The following LRFN3 variants were observed in gnomAD, a reference collection of about 807,000 sequenced individuals.
LRFN3 encodes leucine-rich repeat and fibronectin type-III domain-containing protein 3.
In LRFN3, 8 loss-of-function variants were observed where a neutral mutation model predicts 23.8. The observed-to-expected ratio is 0.34, with a 90% CI of 0.20 to 0.61. The LOEUF (loss-of-function observed/expected upper bound fraction) is 0.61, where lower values mean the gene tolerates loss of function less well. LRFN3 is among the 20% of genes least tolerant of loss of function. The probability of loss-of-function intolerance (pLI) is 0.80; values close to 1 mark genes in which losing one functional copy is unlikely to be tolerated. For synonymous variants in LRFN3, 451 were observed against 450.6 expected, an observed-to-expected ratio of 1.00 and a Z score of -0.01; for missense variants, 736 against 935.3, an observed-to-expected ratio of 0.79 and a Z score of 2.78.
chr19:35,945,198 C>T lies in LRFN3; in HGVS notation c.*179C>T, dbSNP rs1976165931. 5 of 471,004 alleles carry T rather than the reference C, an allele frequency of 1.1e-5. No homozygotes were observed. Among genetic ancestry groups the T allele is most frequent in the Admixed American group, 4.4e-5 (1 of 22,782 alleles). The allele number at this position is 471,004 out of a possible 1,614,324, so 29.2% of individuals were successfully genotyped here. A position where few individuals can be genotyped will look rare whatever the true frequency, so the allele number is the denominator to read the frequency against. On this transcript the variant is annotated 3_prime_UTR_variant, in exon 3 of 3. Transcript: ENST00000246529. ...CTATTTTTCCAAGCTTGGGCGAAGA[C>T]CCTTGCCCTCGTCTCTGTCTATGGG...
chr19:35,940,268 C>T lies in LRFN3; in HGVS notation c.843C>T (p.Arg281=). ...ACASPPALGG[R]YFWAVGEEEF... ...CGTCCCCACCTGCTCTGGGCGGCCG[C>T]TACTTCTGGGCGGTGGGCGAGGAGG... The change falls in exon 2 of 3, where the codon CGC becomes CGT. Residue 281 remains arginine (R), a synonymous_variant. Coordinates refer to ENST00000246529, the MANE Select transcript of LRFN3 (RefSeq NM_024509.2). The T allele has an allele frequency of 6.2e-7, 1 of 1,604,318 alleles. No homozygotes were observed.
chr19:35,940,159 C>G lies in LRFN3; in HGVS notation c.734C>G (p.Ala245Gly). 1 of 1,610,912 alleles carries G rather than the reference C, an allele frequency of 6.2e-7. No homozygotes were observed. Among genetic ancestry groups the G allele is most frequent in the Non-Finnish European group, 8.5e-7 (1 of 1,179,600 alleles). ...RGSPASALVL[A>G]FGGNPLHCNC... ...TCGCCCGCCTCTGCCCTGGTGCTGG[C>G]CTTTGGCGGGAACCCCCTGCACTGC... is the stretch of plus-strand genomic sequence containing the variant. Residue 245 changes from alanine (A) to glycine (G), a missense_variant, in exon 2 of 3, where the codon GCC becomes GGC. Physicochemically the swap from Ala to Gly is moderately conservative, Grantham distance 60 (BLOSUM62 0). Around this residue, in one of 2 missense-constraint regions of LRFN3, gnomAD observed 446 missense variants for 647.9 expected, o/e 0.69. Transcript: ENST00000246529.
In LRFN3 at chr19:35,940,109, G is replaced by A; in HGVS notation, c.684G>A (p.Leu228=). 1 of 1,611,590 alleles carries A rather than the reference G, an allele frequency of 6.2e-7. No individual in the cohort carries two copies. The highest frequency in any genetic ancestry group is 1.1e-5 in the South Asian group (1 of 91,018). Residue 228 remains leucine, a synonymous_variant, in exon 2 of 3, where the codon CTG becomes CTA. Coordinates refer to ENST00000246529, the MANE Select transcript of LRFN3 (RefSeq NM_024509.2). ...CACCCGACCCACTCTTCTCCCGCCTGCCCCTGCTCGCCAGGCCCCGGGGCT... is the reference window on the plus strand; with the variant it reads ...CACCCGACCCACTCTTCTCCCGCCTACCCCTGCTCGCCAGGCCCCGGGGCT... ...TIPPDPLFSR[L]PLLARPRGSP...
rs1465736914 is a variant in LRFN3, at chr19:35,936,490, G to A, written c.-1082G>A. ...CCCGCCTCGGCCCCGGCGGGGGAGG[G>A]GTCTCTGAGCGCGGCCCCTCCCCCC... On this transcript the variant is annotated 5_prime_UTR_variant, in exon 1 of 3. Coordinates refer to ENST00000246529, the MANE Select transcript of LRFN3 (RefSeq NM_024509.2). 4.0e-5 allele frequency: 6 copies of A among 149,042 alleles called. No individual in the cohort carries two copies. Among genetic ancestry groups the A allele is most frequent in the Non-Finnish European group, 6.0e-5 (4 of 67,052 alleles). The allele number at this position is 149,042 out of a possible 1,614,324, so 9.2% of individuals were successfully genotyped here.
chr19:35,941,774 A>G (rs1476245597), intron 2 of LRFN3, among the ~76,000 whole-genome samples: 8 of 152,266 alleles, frequency 5.3e-5, no homozygotes, highest in South Asian at 2.1e-4. Flanking sequence ...GGGTTTTGCC[A>G]TGTTGGCCAG....
At chr19:35,943,319 G>A (rs1376281948) in intron 2 of LRFN3, among the ~76,000 whole-genome samples, 3 of 152,116 alleles carry the variant, frequency 2.0e-5, no homozygotes, top group African/African-American at 7.2e-5. Context: ...TGACAGAGCC[G>A]GAAAGAAATA....
rs747917115 is a variant in LRFN3 at position 35,944,842 on chromosome 19, C to G, written c.1710C>G (p.Pro570=). 3 of 1,605,224 alleles carry G rather than the reference C, an allele frequency of 1.9e-6. No homozygotes were observed. The highest frequency in any genetic ancestry group is 2.2e-5 in the East Asian group (1 of 44,816). Residue 570 remains proline, a synonymous_variant, in exon 3 of 3, where the codon CCC becomes CCG. Transcript: ENST00000246529. This position sits in a 1 kb window ranked among gnomAD's most constrained non-coding sequence, Gnocchi z 4.5. ...ACAAGGTGCACGGCGGCCAGCCCCC[C>G]GGCAAGGCCAAGATTCCCGCGCCTG... The part of the protein sequence containing the change: ...MRYKVHGGQP[P]GKAKIPAPVS...
Position 35,946,493 on chromosome 19 carries a change from G to A in LRFN3, c.*1474G>A, listed in dbSNP as rs911288032. ...CTAGGGACTTTCCATATTTAAGGGT[G>A]ACGCAAAGAAAAACCTAACCAAGAC... On this transcript the variant is annotated 3_prime_UTR_variant, in exon 3 of 3. Transcript: ENST00000246529. Among the ~76,000 whole-genome samples the A allele has an allele frequency of 6.6e-6, 1 of 151,946 alleles. No individual in the cohort carries two copies. The highest frequency in any genetic ancestry group is 2.4e-5 in the African/African-American group (1 of 41,334).
rs748422900 is a variant in LRFN3 at position 35,940,267 on chromosome 19, G to A, written c.842G>A (p.Arg281His). ...GCGTCCCCACCTGCTCTGGGCGGCCGCTACTTCTGGGCGGTGGGCGAGGAG... is the reference window on the plus strand; with the variant it reads ...GCGTCCCCACCTGCTCTGGGCGGCCACTACTTCTGGGCGGTGGGCGAGGAG... ...ACASPPALGGRYFWAVGEEEF... is the reference protein window; with the variant it reads ...ACASPPALGGHYFWAVGEEEF... The change falls in exon 2 of 3, where the codon CGC becomes CAC. Residue 281 changes from arginine to histidine, a missense_variant. Around this residue, in one of 2 missense-constraint regions of LRFN3, gnomAD observed 446 missense variants for 647.9 expected, o/e 0.69. Coordinates refer to ENST00000246529, the MANE Select transcript of LRFN3 (RefSeq NM_024509.2). The A allele has an allele frequency of 1.7e-5, 28 of 1,603,846 alleles. No individual in the cohort carries two copies. Among genetic ancestry groups the A allele is most frequent in the East Asian group, 2.2e-5 (1 of 44,800 alleles).
Position 35,940,047 on chromosome 19 carries a change from C to T in LRFN3, c.622C>T (p.Arg208Trp), listed in dbSNP as rs776754660. Reference protein sequence around the residue: ...GAFSRLHKLARLDMTSNRLTT... With the variant: ...GAFSRLHKLAWLDMTSNRLTT... ...TTTTTCCCGCCTGCACAAGCTGGCC[C>T]GGCTGGACATGACCTCCAACCGCCT... Residue 208 changes from arginine (R) to tryptophan (W), a missense_variant, in exon 2 of 3, where the codon CGG becomes TGG. Physicochemically the swap from Arg to Trp is moderately radical, Grantham distance 101. This residue lies in a region of LRFN3 where 446 missense variants were observed against 647.9 expected (regional missense o/e 0.69). Coordinates refer to ENST00000246529, the MANE Select transcript of LRFN3 (RefSeq NM_024509.2). 2.5e-6 allele frequency: 4 copies of T among 1,612,488 alleles called. No homozygotes were observed. Among genetic ancestry groups the T allele is most frequent in the Non-Finnish European group, 2.5e-6 (3 of 1,179,774 alleles).
rs1976087171 is a variant in LRFN3 at position 35,939,115 on chromosome 19, A to G, written c.-16-295A>G. ...GCTAGGACCACAGGTGGGCGCCACCATGCCTAGCTAATTTTTAAAAATTTT... is the reference window on the plus strand; with the variant it reads ...GCTAGGACCACAGGTGGGCGCCACCGTGCCTAGCTAATTTTTAAAAATTTT... On this transcript the variant is annotated intron_variant, in intron 1 of 2. Transcript: ENST00000246529. The surrounding 1 kb of genome is among the most constrained non-coding windows in gnomAD (Gnocchi z 6.4). Among the ~76,000 whole-genome samples, 1 of 152,112 alleles carries G rather than the reference A, an allele frequency of 6.6e-6. No individual in the cohort carries two copies. Among genetic ancestry groups the G allele is most frequent in the Non-Finnish European group, 1.5e-5 (1 of 68,014 alleles).
At position 35,944,633 on chromosome 19, in the gene LRFN3, G is replaced by T; in HGVS notation, c.1501G>T (p.Glu501Ter). ...CGATCTGTGCGTGCTCGCCGTGTATGAGGACAGCGCCACGGGGCTCACGGC... is the reference window on the plus strand; with the variant it reads ...CGATCTGTGCGTGCTCGCCGTGTATTAGGACAGCGCCACGGGGCTCACGGC... ...TYDLCVLAVY[E>*]DSATGLTATR... The change falls in exon 3 of 3, where the codon GAG becomes TAG. Residue 501 changes from glutamate to a stop codon, truncating the protein, a stop_gained. Transcript: ENST00000246529. LOFTEE classifies it high-confidence loss of function. The surrounding 1 kb of genome is among the most constrained non-coding windows in gnomAD (Gnocchi z 4.5). 1.3e-6 allele frequency: 2 copies of T among 1,578,802 alleles called. No homozygotes were observed.
Position 35,944,697 on chromosome 19 carries a change from C to A in LRFN3, c.1565C>A (p.Pro522His), listed in dbSNP as rs151000979. 60 of 1,604,252 alleles carry A rather than the reference C, an allele frequency of 3.7e-5. No homozygotes were observed. In the African/African-American group the frequency reaches 7.9e-4, roughly 21 times the overall value. Residue 522 changes from proline to histidine, a missense_variant, in exon 3 of 3, where the codon CCT becomes CAT. Pro to His is a moderately conservative substitution (Grantham distance 77, BLOSUM62 -2). Coordinates refer to ENST00000246529, the MANE Select transcript of LRFN3 (RefSeq NM_024509.2). The surrounding 1 kb of genome is among the most constrained non-coding windows in gnomAD (Gnocchi z 4.5). ...GGCTGCGCCCGCTTCTCCACCGAAC[C>A]TGCGCTGCGGCCATGCGGGGCGCCG... ...PVGCARFSTE[P>H]ALRPCGAPHA...
rs753980376 is a variant in LRFN3 at position 35,944,897 on chromosome 19, G to T, written c.1765G>T (p.Ala589Ser). The T allele has an allele frequency of 6.3e-7, 1 of 1,590,232 alleles. No individual in the cohort carries two copies. Among genetic ancestry groups the T allele is most frequent in the Non-Finnish European group, 8.5e-7 (1 of 1,176,104 alleles). Residue 589 changes from alanine (A) to serine (S), a missense_variant, in exon 3 of 3, where the codon GCC becomes TCC. Around this residue, in one of 2 missense-constraint regions of LRFN3, gnomAD observed 290 missense variants for 287.4 expected, o/e 1.01. Transcript: ENST00000246529. The surrounding 1 kb of genome is among the most constrained non-coding windows in gnomAD (Gnocchi z 4.5). The part of the protein sequence containing the change: ...VSSVCSQTNG[A>S]LGPTPTPAPP... ...CAGCGTTTGCTCCCAGACCAACGGC[G>T]CCCTGGGCCCCACGCCCACGCCCGC...
At chr19:35,942,255 G>T (rs1976130582) in intron 2 of LRFN3, among the ~76,000 whole-genome samples, 1 of 152,186 alleles carries the variant, frequency 6.6e-6, no homozygotes, top group South Asian at 2.1e-4. Flanking sequence ...TATCCAGTTT[G>T]CCACACTTGT....
At position 35,939,357 on chromosome 19, in the gene LRFN3, C is replaced by G; in HGVS notation, c.-16-53C>G. On this transcript the variant is annotated intron_variant, in intron 1 of 2. Transcript: ENST00000246529. The surrounding 1 kb of genome is among the most constrained non-coding windows in gnomAD (Gnocchi z 6.4). ...CTTCTCTCCTGGTCTCAGACCACCC[C>G]CAGCCCCTGCAGAACCCCTCTTCTG... The G allele has an allele frequency of 1.3e-6, 2 of 1,515,300 alleles. No individual in the cohort carries two copies. The highest frequency in any genetic ancestry group is 1.8e-6 in the Non-Finnish European group (2 of 1,131,078). 93.9% of individuals were successfully genotyped at this position (1,515,300 alleles called of 1,614,324 possible). A position where few individuals can be genotyped will look rare whatever the true frequency, so the allele number is the denominator to read the frequency against.
chr19:35,946,372 T>TGGGCA lies in LRFN3; in HGVS notation c.*1353_*1354insGGGCA, dbSNP rs989034217. The stretch of plus-strand genomic sequence containing the variant: ...TTTTTTTTTACAGATGGGGTCTCAC[T>TGGGCA]ATATTGCCCAGGCTGATCCCAAACT... On this transcript the variant is annotated 3_prime_UTR_variant, in exon 3 of 3. Coordinates refer to ENST00000246529, the MANE Select transcript of LRFN3 (RefSeq NM_024509.2). Among the ~76,000 whole-genome samples, 1 of 151,432 alleles carries TGGGCA rather than the reference T, an allele frequency of 6.6e-6. No individual in the cohort carries two copies. The highest frequency in any genetic ancestry group is 2.4e-5 in the African/African-American group (1 of 41,058).
rs1976065596 is a variant in LRFN3 at position 35,937,061 on chromosome 19, C to G, written c.-511C>G. The G allele has an allele frequency of 6.6e-6, 1 of 152,184 alleles. No homozygotes were observed. The highest frequency in any genetic ancestry group is 2.1e-4 in the South Asian group (1 of 4,830). The allele number at this position is 152,184 out of a possible 1,614,324, so 9.4% of individuals were successfully genotyped here. On this transcript the variant is annotated 5_prime_UTR_variant, in exon 1 of 3. Coordinates refer to ENST00000246529, the MANE Select transcript of LRFN3 (RefSeq NM_024509.2). ...CCAGTACTGTACCCTGGAACCCACTCTTGGGGACCTGAACCCTGGGATTCA... is the reference window on the plus strand; with the variant it reads ...CCAGTACTGTACCCTGGAACCCACTGTTGGGGACCTGAACCCTGGGATTCA...
In LRFN3 at chr19:35,936,514, C is replaced by G. The variant is rs1372503521; in HGVS notation, c.-1058C>G. On this transcript the variant is annotated 5_prime_UTR_variant, in exon 1 of 3. Transcript: ENST00000246529. ...GGGTCTCTGAGCGCGGCCCCTCCCC[C>G]CTGCGCCCCCGCCTGCGCTGCGGTG... The G allele has an allele frequency of 1.3e-5, 2 of 150,576 alleles. No homozygotes were observed. The highest frequency in any genetic ancestry group is 1.5e-5 in the Non-Finnish European group (1 of 67,360). 9.3% of individuals were successfully genotyped at this position (150,576 alleles called of 1,614,324 possible).
Sources: allele counts gnomAD v4.1 joint callset (sites outside exome capture counted in the v4.1 genomes callset), GRCh38; gene constraint gnomAD v4.1.1; regional missense constraint gnomAD v4.1.1; non-coding constraint Gnocchi (gnomAD v3.1); transcripts MANE v1.5; gene names NCBI Gene and HGNC (gene_info 2026-07-23, HGNC 2026-07-21).